The following PPP1R12B variants were observed in gnomAD, a reference collection of about 807,000 sequenced individuals.
The protein encoded by PPP1R12B is protein phosphatase 1 regulatory subunit 12B, also known as myosin phosphatase target subunit 2.
In PPP1R12B, 76 loss-of-function variants were observed where a neutral mutation model predicts 126.1. The ratio of observed to expected loss-of-function variants is 0.60; its 90% confidence interval spans 0.50 to 0.73. The LOEUF (loss-of-function observed/expected upper bound fraction) is 0.73. Ranked by LOEUF, PPP1R12B falls within the 30% of genes least tolerant of loss-of-function variation. The pLI is 0.00. For missense variants in PPP1R12B, 1,052 were observed against 1,205.1 expected, an observed-to-expected ratio of 0.87 and a Z score of 1.88; for synonymous variants, 356 against 434.7, an observed-to-expected ratio of 0.82 and a Z score of 2.25.
intron 13 of PPP1R12B, among the ~76,000 whole-genome samples, chr1:202,487,251 AAAC>A (rs1450362079): frequency 2.0e-5 from 3 of 152,256 alleles, no homozygotes; most frequent in Non-Finnish European, 2.9e-5. Flanking sequence ...AATGATTAAA[AAAC>A]AACAACGAGA....
At chr1:202,539,167 CT>C (rs1684852710) in intron 18 of PPP1R12B, among the ~76,000 whole-genome samples, 1 of 152,164 alleles carries the variant, frequency 6.6e-6, no homozygotes, top group Non-Finnish European at 1.5e-5. Context: ...AAAAATCCCC[CT>C]TCTCATAGTA....
At chr1:202,537,276 C>T (rs1026128471) in intron 18 of PPP1R12B, among the ~76,000 whole-genome samples, 1 of 151,972 alleles carries the variant, frequency 6.6e-6, no homozygotes, top group Non-Finnish European at 1.5e-5. Flanking sequence ...ATGGCGTGAA[C>T]CCGGGAGGCG....
intron 12 of PPP1R12B, among the ~76,000 whole-genome samples, chr1:202,448,083 G>A (rs954886433): frequency 6.6e-5 from 10 of 151,700 alleles, no homozygotes; most frequent in Non-Finnish European, 4.4e-5. Flanking sequence ...AGAGCTACCC[G>A]TGAACATTTC....
At chr1:202,539,314 C>G (rs1457627916) in intron 18 of PPP1R12B, among the ~76,000 whole-genome samples, 3 of 152,162 alleles carry the variant, frequency 2.0e-5, no homozygotes, top group South Asian at 2.1e-4. Flanking sequence ...TCTTTTCCTC[C>G]TACAAGTGGT....
At chr1:202,566,974 G>A (rs1009285536) in intron 21 of PPP1R12B, among the ~76,000 whole-genome samples, 1 of 152,154 alleles carries the variant, frequency 6.6e-6, no homozygotes, top group African/African-American at 2.4e-5. Flanking sequence ...AAGGCCAAAA[G>A]GGACTTAAGG....
At chr1:202,378,580 A>C (rs575769147) in intron 1 of PPP1R12B, among the ~76,000 whole-genome samples, 1 of 151,912 alleles carries the variant, frequency 6.6e-6, no homozygotes, top group Non-Finnish European at 1.5e-5. Flanking sequence ...CTCAAGTTCA[A>C]GCGATTCTCC....
At position 202,488,603 on chromosome 1, in the gene PPP1R12B, C is replaced by T. The variant is rs1678454061; in HGVS notation, c.1921C>T (p.Gln641Ter). 6.2e-7 allele frequency: 1 copy of T among 1,611,200 alleles called. No individual in the cohort carries two copies. The highest frequency in any genetic ancestry group is 1.7e-5 in the Admixed American group (1 of 59,778). The change falls in exon 14 of 24, where the codon CAG becomes TAG. Residue 641 changes from glutamine to a stop codon, truncating the protein, a stop_gained. Transcript: ENST00000608999. LOFTEE classifies it high-confidence loss of function. The stretch of plus-strand genomic sequence containing the variant: ...GAAAGCACGCTCCAGACAAGCTCGG[C>T]AGACACGAAGGTCTACTCAAGTGAG... ...LRKARSRQAR[Q>*]TRRSTQGVTL... is the part of the protein sequence containing the mutation.
chr1:202,437,997 T>A lies in PPP1R12B; in HGVS notation c.1431T>A (p.Ile477=), dbSNP rs764647196. 1.9e-6 allele frequency: 3 copies of A among 1,613,950 alleles called. No individual in the cohort carries two copies. Among genetic ancestry groups the A allele is most frequent in the Non-Finnish European group, 2.5e-6 (3 of 1,179,990 alleles). ...ATCGCTCCTCTTCAAGCCCTCGGAT[T>A]TCTGCTCTACTGGACAACAAAGATA... The part of the protein sequence containing the change: ...SIYRSSSSPR[I]SALLDNKDKE... The change falls in exon 10 of 24, where the codon ATT becomes ATA. Residue 477 remains isoleucine, a synonymous_variant. Transcript: ENST00000608999.
intron 12 of PPP1R12B, among the ~76,000 whole-genome samples, chr1:202,447,947 T>C (rs1166997908): frequency 1.3e-5 from 2 of 152,198 alleles, no homozygotes; most frequent in East Asian, 3.8e-4. Flanking sequence ...CATGTGTTTT[T>C]TTAGATATTA....
intron 18 of PPP1R12B, among the ~76,000 whole-genome samples, chr1:202,550,574 T>A (rs1264508902): frequency 2.0e-5 from 3 of 152,226 alleles, no homozygotes; most frequent in East Asian, 1.9e-4. Context: ...TGTTTTTTTT[T>A]AAAATCATCT....
At chr1:202,571,445 G>GTTTTTTTTTTTTTTTTTTTTTTTGTTT (rs5780114) in intron 23 of PPP1R12B, among the ~76,000 whole-genome samples, 1 of 150,232 alleles carries the variant, frequency 6.7e-6, no homozygotes. Context: ...GCTGTTTTTT[G>GTTTTTTTTTTTTTTTTTTTTTTTGTTT]TTTTTTTTTT....
intron 1 of PPP1R12B, among the ~76,000 whole-genome samples, chr1:202,378,247 C>CTTTTTTT (rs386369339): frequency 9.6e-5 from 9 of 93,346 alleles, no homozygotes; most frequent in Admixed American, 1.3e-4. Flanking sequence ...TGTCTTCATT[C>CTTTTTTT]TTTTTTTTTT....
intron 1 of PPP1R12B, among the ~76,000 whole-genome samples, chr1:202,358,554 C>T (rs527780061): frequency 1.3e-5 from 2 of 152,184 alleles, no homozygotes; most frequent in South Asian, 2.1e-4. Flanking sequence ...TGGTCGCACG[C>T]GCCTGTTGTC....
chr1:202,560,994 C>T (rs1687464500), intron 19 of PPP1R12B, among the ~76,000 whole-genome samples: 1 of 150,768 alleles, frequency 6.6e-6, no homozygotes, highest in Non-Finnish European at 1.5e-5. Flanking sequence ...CACATGTACC[C>T]TAAAACTTAA....
chr1:202,501,122 C>T (rs572218184), intron 18 of PPP1R12B, among the ~76,000 whole-genome samples: 17 of 152,302 alleles, frequency 1.1e-4, no homozygotes, highest in African/African-American at 3.8e-4. Context: ...ATGACAGTCT[C>T]TGAGAATCTT....
intron 1 of PPP1R12B, among the ~76,000 whole-genome samples, chr1:202,359,508 G>A (rs1001727306): frequency 2.6e-5 from 4 of 151,982 alleles, no homozygotes; most frequent in East Asian, 3.9e-4. Context: ...TCAGCTGGGC[G>A]TGGTGGCTCA....
At chr1:202,551,787 C>T (rs1686357110) in intron 18 of PPP1R12B, among the ~76,000 whole-genome samples, 1 of 152,136 alleles carries the variant, frequency 6.6e-6, no homozygotes, top group Non-Finnish European at 1.5e-5. Context: ...GAAAAGAACT[C>T]AGTGCTTCAA....
chr1:202,433,429 C>G (rs1052368141), intron 8 of PPP1R12B, among the ~76,000 whole-genome samples: 2 of 152,160 alleles, frequency 1.3e-5, no homozygotes, highest in African/African-American at 4.8e-5. Flanking sequence ...TTATGCTACA[C>G]CTCTGTTTAA....
At chr1:202,393,386 AAC>A (rs1015983891) in intron 1 of PPP1R12B, among the ~76,000 whole-genome samples, 19 of 152,198 alleles carry the variant, frequency 1.2e-4, no homozygotes, top group African/African-American at 4.3e-4. Flanking sequence ...CGCAAATCGA[AAC>A]AGTGTTTTTT....
Sources: gnomAD v4.1 joint callset for allele counts (sites outside exome capture counted in the v4.1 genomes callset) on GRCh38, gnomAD v4.1.1 for gene constraint, MANE v1.5 for transcripts, NCBI Gene and HGNC (gene_info 2026-07-23, HGNC 2026-07-21) for gene names.